Variants in NDUFC2 observed in about 807,000 individuals in gnomAD.
The protein encoded by NDUFC2 is NADH dehydrogenase [ubiquinone] 1 subunit C2.
A neutral mutation model predicts 10.1 loss-of-function variants in NDUFC2; 2 were observed. The observed-to-expected ratio is 0.20, with a 90% CI of 0.08 to 0.62. NDUFC2 has a LOEUF of 0.62. Ranked by LOEUF, NDUFC2 falls within the 20% of genes least tolerant of loss-of-function variation. NDUFC2 has a pLI of 0.87. For synonymous variants in NDUFC2, 61 were observed against 63.6 expected, an observed-to-expected ratio of 0.96 and a Z score of 0.20; for missense variants, 156 against 159.6, an observed-to-expected ratio of 0.98 and a Z score of 0.12.
At chr11:78,077,304 A>G (rs1042382096) in intron 1 of NDUFC2, among the ~76,000 whole-genome samples, 5 of 152,030 alleles carry the variant, frequency 3.3e-5, no homozygotes, top group East Asian at 1.9e-4. Context: ...AAAAAAAAAA[A>G]GGGTTCTGTA....
At chr11:78,079,499 C>T in intron 1 of NDUFC2, 80 bp downstream of exon 1, 15 of 1,500,522 alleles carry the variant, frequency 1.0e-5, no homozygotes, top group Non-Finnish European at 1.3e-5. Context: ...CAGAGCACCT[C>T]AGGGGGGCCT....
In NDUFC2 at chr11:78,069,664, AAAC is replaced by A; in HGVS notation, c.*320_*322del. The A allele has an allele frequency of 1.7e-6, 1 of 573,212 alleles. No individual in the cohort carries two copies. Among genetic ancestry groups the A allele is most frequent in the Non-Finnish European group, 3.0e-6 (1 of 331,232 alleles). 35.5% of individuals were successfully genotyped at this position (573,212 alleles called of 1,614,324 possible). A position where few individuals can be genotyped will look rare whatever the true frequency, so the allele number is the denominator to read the frequency against. ...GCTCTTGCAGCATGGCAGTCGCCAT[AAAC>A]AACATGTAAACAAATGAGCATGGCT... On this transcript the variant is annotated 3_prime_UTR_variant, in exon 3 of 3. Transcript: ENST00000281031.
chr11:78,079,761 C>T lies in NDUFC2; in HGVS notation c.-17G>A, dbSNP rs374879848. Reference sequence around the variant, plus strand: ...TGCGATCATGGTGACGCCGTTTCCACTTGAGGCCTGGTCTCAGACCACGAA... The same window carrying T: ...TGCGATCATGGTGACGCCGTTTCCATTTGAGGCCTGGTCTCAGACCACGAA... On this transcript the variant is annotated 5_prime_UTR_variant, in exon 1 of 3. It adds an upstream start codon to the 5' untranslated region. Transcript: ENST00000281031. 44 of 1,600,836 alleles carry T rather than the reference C, an allele frequency of 2.7e-5. No individual in the cohort carries two copies. The Admixed American group carries it at 2.8e-4, about 10-fold the overall frequency.
chr11:78,070,876 C>G (rs1858971838), intron 2 of NDUFC2, among the ~76,000 whole-genome samples: 2 of 152,334 alleles, frequency 1.3e-5, no homozygotes, highest in South Asian at 4.1e-4. Flanking sequence ...TATACACACT[C>G]CTGCAGACAC....
At position 78,068,745 on chromosome 11, in the gene NDUFC2, A is replaced by C. The variant is rs1858852433; in HGVS notation, c.*1242T>G. ...GGTTGCAGTGAGCCGAAATTGCGCC[A>C]CTGCACTCCAGCCTGATGACAGAGC... is the stretch of plus-strand genomic sequence containing the variant. On this transcript the variant is annotated 3_prime_UTR_variant, in exon 3 of 3. Transcript: ENST00000281031. The C allele has an allele frequency of 6.7e-6, 1 of 149,262 alleles. No homozygotes were observed. Among genetic ancestry groups the C allele is most frequent in the Non-Finnish European group, 1.5e-5 (1 of 67,794 alleles). 9.2% of individuals were successfully genotyped at this position (149,262 alleles called of 1,614,324 possible). A position where few individuals can be genotyped will look rare whatever the true frequency, so the allele number is the denominator to read the frequency against.
At chr11:78,072,027 C>T (rs1222369607) in intron 2 of NDUFC2, among the ~76,000 whole-genome samples, 2 of 152,030 alleles carry the variant, frequency 1.3e-5, no homozygotes, top group Non-Finnish European at 2.9e-5. Context: ...CCATGAAGAA[C>T]ACACACATGT....
At chr11:78,075,120 T>C (rs1859190685) in intron 1 of NDUFC2, among the ~76,000 whole-genome samples, 1 of 152,232 alleles carries the variant, frequency 6.6e-6, no homozygotes, top group African/African-American at 2.4e-5. Flanking sequence ...AAGAACATCA[T>C]AAATTACTGA....
chr11:78,076,083 G>A (rs552256415), intron 1 of NDUFC2, among the ~76,000 whole-genome samples: 45 of 152,156 alleles, frequency 3.0e-4, no homozygotes, highest in African/African-American at 1.0e-3. Context: ...TAAACCTTTG[G>A]AGGATTGGGA....
intron 1 of NDUFC2, 56 bp downstream of exon 1, chr11:78,079,523 T>C: frequency 6.5e-7 from 1 of 1,529,732 alleles, no homozygotes; most frequent in Non-Finnish European, 8.8e-7. Flanking sequence ...GCCGGGCCAG[T>C]CTGCAGCCCT....
At chr11:78,072,833 T>C in intron 2 of NDUFC2, 165 bp downstream of exon 2, 7 of 971,824 alleles carry the variant, frequency 7.2e-6, no homozygotes, top group Non-Finnish European at 1.0e-5. Flanking sequence ...GACACGGAGG[T>C]AGTCAGAAAC....
At position 78,069,822 on chromosome 11, in the gene NDUFC2, T is replaced by C; in HGVS notation, c.*165A>G. ...AACTGACCATTCTCTGATGATGAAC[T>C]ATTTTTCTTACAACAATAAAGAGTC... On this transcript the variant is annotated 3_prime_UTR_variant, in exon 3 of 3. Transcript: ENST00000281031. The C allele has an allele frequency of 6.9e-7, 1 of 1,451,556 alleles. No homozygotes were observed. 89.9% of individuals were successfully genotyped at this position (1,451,556 alleles called of 1,614,324 possible).
At chr11:78,077,508 T>C (rs538538297) in intron 1 of NDUFC2, among the ~76,000 whole-genome samples, 3 of 152,238 alleles carry the variant, frequency 2.0e-5, no homozygotes, top group Admixed American at 6.5e-5. Context: ...CCTGACCATG[T>C]AACTTGCCCA....
intron 1 of NDUFC2, among the ~76,000 whole-genome samples, chr11:78,079,136 T>C (rs1444177832): frequency 7.2e-6 from 1 of 138,490 alleles, no homozygotes; most frequent in Non-Finnish European, 1.6e-5. Context: ...AACCAAGCTC[T>C]GCTACTTAAT....
At chr11:78,073,225 C>T (rs956539607) in intron 1 of NDUFC2, 84 bp from the exon 2 acceptor site, 1 of 1,596,382 alleles carries the variant, frequency 6.3e-7, no homozygotes, top group Non-Finnish European at 8.5e-7. Context: ...GACGCAGTGG[C>T]TCACACCTGT....
In NDUFC2 at chr11:78,072,241, G is replaced by A. The variant is rs188910007; in HGVS notation, c.310+757C>T. ...CACCCAGGCTGGAGTGCAATGGCGCGATCTCAGCTCACTGCAACCTCCGCC... is the reference window on the plus strand; with the variant it reads ...CACCCAGGCTGGAGTGCAATGGCGCAATCTCAGCTCACTGCAACCTCCGCC... On this transcript the variant is annotated intron_variant, in intron 2 of 2. Coordinates refer to ENST00000281031, the MANE Select transcript of NDUFC2 (RefSeq NM_004549.6). Among the ~76,000 whole-genome samples, 108 of 152,152 alleles carry A rather than the reference G, an allele frequency of 7.1e-4. 1 individual carries two copies. The highest frequency in any genetic ancestry group is 1.3e-3 in the Non-Finnish European group (85 of 67,998).
intron 1 of NDUFC2, among the ~76,000 whole-genome samples, chr11:78,078,886 G>A (rs960452253): frequency 7.5e-5 from 10 of 132,962 alleles, no homozygotes; most frequent in Non-Finnish European, 1.3e-4. Context: ...CACCACGCCC[G>A]GCTAACTTTT....
intron 1 of NDUFC2, among the ~76,000 whole-genome samples, chr11:78,076,680 C>A (rs1189033114): frequency 6.6e-6 from 1 of 152,164 alleles, no homozygotes; most frequent in Non-Finnish European, 1.5e-5. Context: ...TCCTCAGAAT[C>A]AAATTACTAG....
rs1211245937 is a variant in NDUFC2 at position 78,069,567 on chromosome 11, AC to A, written c.*419del. 8.8e-6 allele frequency: 3 copies of A among 342,174 alleles called. No homozygotes were observed. The highest frequency in any genetic ancestry group is 1.1e-4 in the East Asian group (2 of 18,012). 21.2% of individuals were successfully genotyped at this position (342,174 alleles called of 1,614,324 possible). On this transcript the variant is annotated 3_prime_UTR_variant, in exon 3 of 3. Transcript: ENST00000281031. ...TTTGCACTAGGACAGGGGCAGGCAA[AC>A]CTTTTCTGAAAGGGCTACATATTAA...
chr11:78,072,077 C>G (rs1479465821), intron 2 of NDUFC2, among the ~76,000 whole-genome samples: 1 of 152,208 alleles, frequency 6.6e-6, no homozygotes, highest in Non-Finnish European at 1.5e-5. Flanking sequence ...TAAAGTGTTT[C>G]TACCAGAGGA....
Sources: gnomAD v4.1 joint callset for allele counts (sites outside exome capture counted in the v4.1 genomes callset) on GRCh38, gnomAD v4.1.1 for gene constraint, MANE v1.5 for transcripts, NCBI Gene and HGNC (gene_info 2026-07-23, HGNC 2026-07-21) for gene names.